The following UGT3A1 variants were observed in gnomAD, a reference collection of about 807,000 sequenced individuals.
UGT3A1 encodes UDP-glycosyltransferase 3A1.
A neutral mutation model predicts 37.6 loss-of-function variants in UGT3A1; 40 were observed. The ratio of observed to expected loss-of-function variants is 1.06; its 90% CI spans 0.83 to 1.38. The LOEUF is 1.38. Among genes scored for constraint, UGT3A1 ranks in the 40% most tolerant of loss-of-function variants. The pLI, the probability that UGT3A1 is intolerant of heterozygous loss-of-function variation, is 0.00. For synonymous variants in UGT3A1, 256 were observed against 232.3 expected, an observed-to-expected ratio of 1.10 and a Z score of -0.93; for missense variants, 642 against 634.2, an observed-to-expected ratio of 1.01 and a Z score of -0.13.
intron 2 of UGT3A1, among the ~76,000 whole-genome samples, chr5:35,978,011 T>C (rs1233768216): frequency 6.6e-6 from 1 of 152,182 alleles, no homozygotes; most frequent in African/African-American, 2.4e-5. Flanking sequence ...TGTTCAAACA[T>C]CAAATTGTAC....
At position 35,953,966 on chromosome 5, in the gene UGT3A1, G is replaced by C. The variant is rs1024323397; in HGVS notation, c.*236C>G. ...AGGAAAAGGGAGAAAGGAGGAGGCA[G>C]GGCTGGCAGGTGAAAATTTGTATCT... On this transcript the variant is annotated 3_prime_UTR_variant, in exon 7 of 7. Transcript: ENST00000274278. 1 of 499,584 alleles carries C rather than the reference G, an allele frequency of 2.0e-6. No individual in the cohort carries two copies. Among genetic ancestry groups the C allele is most frequent in the Non-Finnish European group, 3.6e-6 (1 of 279,414 alleles). The allele number at this position is 499,584 out of a possible 1,614,324, so 30.9% of individuals were successfully genotyped here.
At chr5:35,985,342 A>G (rs1265097718) in intron 2 of UGT3A1, among the ~76,000 whole-genome samples, 2 of 152,130 alleles carry the variant, frequency 1.3e-5, no homozygotes, top group African/African-American at 2.4e-5. Flanking sequence ...CATTATTCAC[A>G]GAAATAGAAA....
At chr5:35,988,695 CTTCCTG>C in intron 1 of UGT3A1, 144 bp from the exon 2 acceptor site, 3 of 622,212 alleles carry the variant, frequency 4.8e-6, no homozygotes, top group Non-Finnish European at 8.3e-6. Context: ...GAGATAAGCG[CTTCCTG>C]TTCCTCAATC....
rs753913027 is a variant in UGT3A1 at position 35,952,106 on chromosome 5, C to G, written c.*2096G>C. On this transcript the variant is annotated 3_prime_UTR_variant, in exon 7 of 7. Coordinates refer to ENST00000274278, the MANE Select transcript of UGT3A1 (RefSeq NM_152404.4). ...CCATTTCAGGTGTAGTGGTCAGGCA[C>G]AGGCTTACCAATGTGAACACAATGA... 1.3e-5 allele frequency: 2 copies of G among 152,192 alleles called. No homozygotes were observed. Among genetic ancestry groups the G allele is most frequent in the Non-Finnish European group, 2.9e-5 (2 of 68,032 alleles). The allele number at this position is 152,192 out of a possible 1,614,324, so 9.4% of individuals were successfully genotyped here.
At chr5:35,988,189 T>C (rs1405820590) in intron 2 of UGT3A1, among the ~76,000 whole-genome samples, 2 of 152,194 alleles carry the variant, frequency 1.3e-5, no homozygotes, top group Non-Finnish European at 2.9e-5. Context: ...AAATAATTAA[T>C]AATAATGTGT....
At chr5:35,995,328 G>T (rs1263040748), upstream of UGT3A1, among the ~76,000 whole-genome samples, 1 of 152,150 alleles carries the variant, frequency 6.6e-6, no homozygotes, top group Non-Finnish European at 1.5e-5. Flanking sequence ...TGGAAGATGT[G>T]AAAATGAGGG....
At chr5:35,955,963 G>T (rs1366369688) in intron 5 of UGT3A1, 99 bp from the exon 6 acceptor site, 17 of 1,209,860 alleles carry the variant, frequency 1.4e-5, no homozygotes, top group Admixed American at 1.0e-4. Context: ...TGAAATCAAG[G>T]TCTGTTGAGA....
chr5:35,975,497 C>T (rs1449633789), intron 2 of UGT3A1, among the ~76,000 whole-genome samples: 2 of 152,142 alleles, frequency 1.3e-5, no homozygotes, highest in Non-Finnish European at 2.9e-5. Context: ...CATGCACTTA[C>T]AAAATGCTTT....
chr5:35,979,122 G>A (rs1217295883), intron 2 of UGT3A1, among the ~76,000 whole-genome samples: 1 of 152,058 alleles, frequency 6.6e-6, no homozygotes, highest in African/African-American at 2.4e-5. Context: ...CATCCCAGTT[G>A]GTTTCATGGG....
At chr5:35,983,179 TC>T (rs1269852685) in intron 2 of UGT3A1, among the ~76,000 whole-genome samples, 2 of 130,896 alleles carry the variant, frequency 1.5e-5, no homozygotes, top group African/African-American at 6.6e-5. Context: ...AAAGAGAAGA[TC>T]CAAAAAAAAA....
chr5:35,988,533 A>C lies in UGT3A1; in HGVS notation c.113T>G (p.Leu38Arg). 6.2e-7 allele frequency: 1 copy of C among 1,613,212 alleles called. No individual in the cohort carries two copies. Among genetic ancestry groups the C allele is most frequent in the Non-Finnish European group, 8.5e-7 (1 of 1,179,600 alleles). ...AAGAATCTGAGACACCCGGTCCAACAGTAGGTAATGGCTTCCACCTAGAAA... is the reference window on the plus strand; with the variant it reads ...AAGAATCTGAGACACCCGGTCCAACCGTAGGTAATGGCTTCCACCTAGAAA... Reference protein sequence around the residue: ...ISTLGGSHYLLLDRVSQILQE... With the variant: ...ISTLGGSHYLRLDRVSQILQE... Residue 38 changes from leucine (L) to arginine (R), a missense_variant, in exon 2 of 7, where the codon CTG (leucine) becomes CGG (arginine). Coordinates refer to ENST00000274278, the MANE Select transcript of UGT3A1 (RefSeq NM_152404.4).
intron 2 of UGT3A1, among the ~76,000 whole-genome samples, chr5:35,982,391 C>A (rs2126954): frequency 0.27 from 41,416 of 152,214 alleles, 6,981 homozygotes; most frequent in Non-Finnish European, 0.38. Context: ...GCAAGCCCAC[C>A]CCTTGCATCA....
At chr5:35,984,127 A>C (rs1740637307) in intron 2 of UGT3A1, among the ~76,000 whole-genome samples, 2 of 152,204 alleles carry the variant, frequency 1.3e-5, no homozygotes, top group Non-Finnish European at 2.9e-5. Context: ...TTTTCACAGA[A>C]GACATGATTT....
rs567457718 is a variant in UGT3A1 at position 35,970,843 on chromosome 5, T to G, written c.197-2710A>C. On this transcript the variant is annotated intron_variant, in intron 2 of 6. Coordinates refer to ENST00000274278, the MANE Select transcript of UGT3A1 (RefSeq NM_152404.4). ...CCCTTTAAAATCCCAATTTGGACTA[T>G]TTTTAAACCTAGCAAGAATTAATGA... 4.5e-4 allele frequency among the ~76,000 whole-genome samples: 68 copies of G among 152,324 alleles called. No individual in the cohort carries two copies. The South Asian group carries it at 0.014, about 31-fold the overall frequency.
chr5:35,999,926 GA>G (rs1167940386), intron 1 of UGT3A1, among the ~76,000 whole-genome samples: 1 of 152,142 alleles, frequency 6.6e-6, no homozygotes, highest in Non-Finnish European at 1.5e-5. Flanking sequence ...AAATCTACTA[GA>G]AAAAAATTAT....
At chr5:35,956,155 C>T (rs1242807948) in intron 5 of UGT3A1, among the ~76,000 whole-genome samples, 2 of 152,226 alleles carry the variant, frequency 1.3e-5, no homozygotes, top group African/African-American at 2.4e-5. Context: ...TGCAGCCATC[C>T]TTCTCTCTTC....
At chr5:35,965,263 C>T in intron 4 of UGT3A1, 123 bp downstream of exon 4, 1 of 1,431,976 alleles carries the variant, frequency 7.0e-7, no homozygotes, top group Non-Finnish European at 9.4e-7. Flanking sequence ...AAGAACGTGC[C>T]CTAGGTGCCT....
intron 6 of UGT3A1, chr5:35,955,050 C>T (rs1739300552): frequency 1.3e-5 from 2 of 159,772 alleles, no homozygotes; most frequent in East Asian, 1.8e-4. Flanking sequence ...ACTCTCTACT[C>T]TTTTGTGTTG....
At chr5:35,958,674 C>T (rs1301647508) in intron 4 of UGT3A1, among the ~76,000 whole-genome samples, 2 of 152,190 alleles carry the variant, frequency 1.3e-5, no homozygotes, top group Non-Finnish European at 2.9e-5. Flanking sequence ...CAACCAAATG[C>T]CCAATCAAGA....
Sources: allele counts gnomAD v4.1 joint callset (sites outside exome capture counted in the v4.1 genomes callset), GRCh38; gene constraint gnomAD v4.1.1; transcripts MANE v1.5; gene names NCBI Gene and HGNC (gene_info 2026-07-23, HGNC 2026-07-21).